LRRC37A2: variants seen among roughly 807,000 people sequenced by gnomAD.
The protein encoded by LRRC37A2 is leucine rich repeat containing 37 member A2, also known as leucine-rich repeat-containing protein 37A2.
Under a neutral mutation model 68.8 loss-of-function variants are expected in LRRC37A2, and 9 were observed. That is an observed-to-expected ratio of 0.13 (90% CI 0.08 to 0.23). The LOEUF (loss-of-function observed/expected upper bound fraction) is 0.23. Ranked by LOEUF, LRRC37A2 falls within the 10% of genes least tolerant of loss-of-function variation. The probability of loss-of-function intolerance (pLI) is 1.00; values close to 1 mark genes in which losing one functional copy is unlikely to be tolerated. For missense variants in LRRC37A2, 168 were observed against 950.4 expected, an observed-to-expected ratio of 0.18 and a Z score of 10.82; for synonymous variants, 63 against 367.6, an observed-to-expected ratio of 0.17 and a Z score of 9.48.
At chr17:46,934,189 C>G in the LRRC37A2 span, among the ~76,000 whole-genome samples, 1 of 152,186 alleles carries the variant, frequency 6.6e-6, no homozygotes, top group African/African-American at 2.4e-5. Context: ...TCTGTGATCA[C>G]TGGACACACT....
chr17:46,768,216 G>GA, the LRRC37A2 span: 1 of 1,557,608 alleles, frequency 6.4e-7, no homozygotes, highest in Non-Finnish European at 8.7e-7. The surrounding 1 kb of genome is among the most constrained non-coding windows in gnomAD (Gnocchi z 5.0). Context: ...GGATAGCTTA[G>GA]AAACAGAAGG....
At chr17:46,771,984 C>T in the LRRC37A2 span, among the ~76,000 whole-genome samples, 1 of 150,538 alleles carries the variant, frequency 6.6e-6, no homozygotes, top group African/African-American at 2.4e-5. Flanking sequence ...CGCCCCCAGA[C>T]TCGCGGAAGA....
the LRRC37A2 span, chr17:46,722,230 C>T: frequency 4.6e-6 from 6 of 1,293,058 alleles, no homozygotes; most frequent in Admixed American, 5.1e-5. Flanking sequence ...CGCGAGAGCA[C>T]GTCAAAATCC....
At chr17:46,979,176 T>A in the LRRC37A2 span, 1 of 665,096 alleles carries the variant, frequency 1.5e-6, no homozygotes, top group Non-Finnish European at 2.2e-6. Flanking sequence ...CGCCTACCCC[T>A]GGGCACCGGG....
chr17:46,730,764 C>A, the LRRC37A2 span, among the ~76,000 whole-genome samples: 1 of 151,972 alleles, frequency 6.6e-6, no homozygotes, highest in Non-Finnish European at 1.5e-5. Context: ...TGAAAACATT[C>A]AAAAATAAGT....
the LRRC37A2 span, chr17:46,940,458 A>G: frequency 6.2e-7 from 1 of 1,609,732 alleles, no homozygotes; most frequent in Non-Finnish European, 8.5e-7. Context: ...TCCATTACAC[A>G]CAGCACTGCT....
the LRRC37A2 span, chr17:46,755,525 G>T: frequency 1.4e-6 from 1 of 733,714 alleles, no homozygotes; most frequent in Non-Finnish European, 2.3e-6. Flanking sequence ...AAGGAAGTTG[G>T]TTGTACTGTT....
the LRRC37A2 span, among the ~76,000 whole-genome samples, chr17:47,004,012 T>A: frequency 3.3e-5 from 5 of 152,204 alleles, no homozygotes. Context: ...AGAATGATGG[T>A]TTCCAGCTTC....
the LRRC37A2 span, among the ~76,000 whole-genome samples, chr17:46,751,129 C>T: frequency 6.6e-6 from 1 of 152,154 alleles, no homozygotes; most frequent in Non-Finnish European, 1.5e-5. Flanking sequence ...CCCATGTAGA[C>T]AGCTTTTGTG....
the LRRC37A2 span, among the ~76,000 whole-genome samples, chr17:46,779,981 A>G: frequency 2.0e-5 from 3 of 151,934 alleles, no homozygotes; most frequent in Non-Finnish European, 4.4e-5. Flanking sequence ...CTGGTCTGGA[A>G]CTCCTGACCA....
At chr17:46,859,531 T>C in the LRRC37A2 span, among the ~76,000 whole-genome samples, 1 of 152,194 alleles carries the variant, frequency 6.6e-6, no homozygotes, top group Non-Finnish European at 1.5e-5. Context: ...TATACAGCCT[T>C]GATTACAGTA....
chr17:47,010,075 C>T, the LRRC37A2 span, among the ~76,000 whole-genome samples: 3 of 152,144 alleles, frequency 2.0e-5, no homozygotes, highest in Non-Finnish European at 2.9e-5. Context: ...CAAACTTGTT[C>T]GCAAGTAGGG....
At chr17:46,789,098 G>A in the LRRC37A2 span, among the ~76,000 whole-genome samples, 1 of 152,176 alleles carries the variant, frequency 6.6e-6, no homozygotes, top group African/African-American at 2.4e-5. Flanking sequence ...CCTTATGCTG[G>A]ACGCCGGGAG....
At chr17:46,918,100 T>C in the LRRC37A2 span, among the ~76,000 whole-genome samples, 1 of 152,198 alleles carries the variant, frequency 6.6e-6, no homozygotes, top group Non-Finnish European at 1.5e-5. Flanking sequence ...TGTTTTTTGA[T>C]ACGGAATCTC....
At chr17:46,856,914 A>G in the LRRC37A2 span, among the ~76,000 whole-genome samples, 1 of 152,148 alleles carries the variant, frequency 6.6e-6, no homozygotes, top group Non-Finnish European at 1.5e-5. Context: ...CCTCTTTGCA[A>G]TCAACCCTCT....
chr17:46,923,343 G>C, the LRRC37A2 span: 1 of 1,523,930 alleles, frequency 6.6e-7, no homozygotes, highest in South Asian at 1.2e-5. Flanking sequence ...CCAGGGCACT[G>C]CTGGGGATGC....
the LRRC37A2 span, among the ~76,000 whole-genome samples, chr17:46,839,938 TTC>T: frequency 6.7e-6 from 1 of 149,064 alleles, no homozygotes; most frequent in Non-Finnish European, 1.5e-5. Flanking sequence ...CTTTCTTTCT[TTC>T]TTTCTTTCTT....
At chr17:46,965,347 G>A in the LRRC37A2 span, among the ~76,000 whole-genome samples, 1 of 152,186 alleles carries the variant, frequency 6.6e-6, no homozygotes, top group Non-Finnish European at 1.5e-5. Context: ...AGTGTTGCCT[G>A]TGCTGACAAG....
the LRRC37A2 span, among the ~76,000 whole-genome samples, chr17:46,392,431 C>CTTTCTTTCTTTCTT: frequency 3.4e-5 from 1 of 29,618 alleles, no homozygotes; most frequent in African/African-American, 7.8e-5. Flanking sequence ...CTTTCTTTCT[C>CTTTCTTTCTTTCTT]TCTTTCTTTC....
Sources: gnomAD v4.1 joint callset for allele counts (sites outside exome capture counted in the v4.1 genomes callset) on GRCh38, gnomAD v4.1.1 for gene constraint, Gnocchi (gnomAD v3.1) non-coding constraint, MANE v1.5 for transcripts, NCBI Gene and HGNC (gene_info 2026-07-23, HGNC 2026-07-21) for gene names.